The following MANBA variants were observed in gnomAD, a reference collection of about 807,000 sequenced individuals.
MANBA encodes beta-mannosidase.
In MANBA, 83 loss-of-function variants were observed where a neutral mutation model predicts 111.1. That is an observed-to-expected ratio of 0.75 (90% CI 0.63 to 0.90). MANBA has a LOEUF of 0.90. Ranked by LOEUF, MANBA falls within the 40% of genes least tolerant of loss-of-function variation. MANBA has a pLI of 0.00. For synonymous variants in MANBA, 370 were observed against 378.7 expected, an observed-to-expected ratio of 0.98 and a Z score of 0.27; for missense variants, 1,036 against 1,069.0, an observed-to-expected ratio of 0.97 and a Z score of 0.43.
chr4:102,674,068 AAC>A lies in MANBA; in HGVS notation c.961_962del (p.Val321LeufsTer3). The part of the protein sequence containing the change: ...GGLNIEKSAK[V>X]YFRTVELIEE... Reference sequence around the variant, plus strand: ...CTATAAGTTCCACTGTCCTAAAATAAACCTGCAATGAACAGAATTAAATGATG... The same window carrying A: ...CTATAAGTTCCACTGTCCTAAAATAACTGCAATGAACAGAATTAAATGATG... On this transcript the variant is annotated frameshift_variant and splice_region_variant, in exon 8 of 17. Coordinates refer to ENST00000647097, the MANE Select transcript of MANBA (RefSeq NM_005908.4). LOFTEE classifies it high-confidence loss of function. 1 of 1,596,294 alleles carries A rather than the reference AAC, an allele frequency of 6.3e-7. No homozygotes were observed. The highest frequency in any genetic ancestry group is 8.6e-7 in the Non-Finnish European group (1 of 1,164,054).
chr4:102,642,998 T>C (rs560556485), intron 13 of MANBA, among the ~76,000 whole-genome samples: 3 of 152,344 alleles, frequency 2.0e-5, no homozygotes, highest in Non-Finnish European at 2.9e-5. Flanking sequence ...TTTTAGAGGT[T>C]ATAATTCATT....
intron 8 of MANBA, among the ~76,000 whole-genome samples, chr4:102,672,307 A>G (rs182091767): frequency 6.6e-6 from 1 of 152,332 alleles, no homozygotes; most frequent in African/African-American, 2.4e-5. Context: ...TTTAATTTAG[A>G]TAATAAATAA....
intron 12 of MANBA, among the ~76,000 whole-genome samples, 190 bp downstream of exon 12, chr4:102,657,491 AG>A (rs1292703763): frequency 6.6e-6 from 1 of 152,230 alleles, no homozygotes; most frequent in Non-Finnish European, 1.5e-5. Flanking sequence ...GTGCTCCTGA[AG>A]GAACACAGTA....
chr4:102,709,367 AAAG>A (rs1721935489), intron 5 of MANBA, among the ~76,000 whole-genome samples: 1 of 146,032 alleles, frequency 6.8e-6, no homozygotes, highest in Non-Finnish European at 1.5e-5. Flanking sequence ...AAGAAAAGAA[AAAG>A]AAAGGAAGGA....
At chr4:102,696,891 G>A (rs562381930) in intron 5 of MANBA, among the ~76,000 whole-genome samples, 5 of 152,104 alleles carry the variant, frequency 3.3e-5, no homozygotes, top group Admixed American at 1.3e-4. Flanking sequence ...GATATTTTCC[G>A]GTACTCCTGC....
At position 102,669,170 on chromosome 4, in the gene MANBA, G is replaced by A. The variant is rs1217686020; in HGVS notation, c.1231-121C>T. 7 of 785,216 alleles carry A rather than the reference G, an allele frequency of 8.9e-6. No individual in the cohort carries two copies. In the African/African-American group the frequency reaches 1.0e-4, roughly 12 times the overall value. The allele number at this position is 785,216 out of a possible 1,614,324, so 48.6% of individuals were successfully genotyped here. ...AAATGAAAAATCCAGTTAGCCTGAT[G>A]AGTGTGATCACTGGGGCGCCATTAT... On this transcript the variant is annotated intron_variant, in intron 9 of 16. Coordinates refer to ENST00000647097, the MANE Select transcript of MANBA (RefSeq NM_005908.4).
At chr4:102,640,299 C>T (rs1396426563) in intron 13 of MANBA, among the ~76,000 whole-genome samples, 1 of 152,066 alleles carries the variant, frequency 6.6e-6, no homozygotes, top group African/African-American at 2.4e-5. Context: ...AGAAAAATAA[C>T]ATTGTTATTA....
chr4:102,661,554 T>C (rs1730955389), intron 11 of MANBA, among the ~76,000 whole-genome samples: 2 of 152,202 alleles, frequency 1.3e-5, no homozygotes, highest in East Asian at 3.8e-4. Flanking sequence ...TTGAAGAACA[T>C]TGAAGAAGAA....
At chr4:102,741,515 T>C (rs1489521149) in intron 1 of MANBA, among the ~76,000 whole-genome samples, 1 of 152,208 alleles carries the variant, frequency 6.6e-6, no homozygotes, top group Admixed American at 6.5e-5. Context: ...CAATTCGCAA[T>C]TGCAAAAATA....
intron 14 of MANBA, among the ~76,000 whole-genome samples, chr4:102,636,600 C>A (rs544034728): frequency 6.6e-6 from 1 of 152,132 alleles, no homozygotes; most frequent in African/African-American, 2.4e-5. Flanking sequence ...CCCTACTGCA[C>A]GCACTAGAAG....
chr4:102,745,706 A>G (rs1428409151), intron 1 of MANBA, among the ~76,000 whole-genome samples: 1 of 152,210 alleles, frequency 6.6e-6, no homozygotes, highest in African/African-American at 2.4e-5. Flanking sequence ...GAGCTGCAAC[A>G]TCAAAAGCAG....
At chr4:102,634,620 C>T (rs1729532573) in intron 16 of MANBA, among the ~76,000 whole-genome samples, 168 bp downstream of exon 16, 1 of 152,230 alleles carries the variant, frequency 6.6e-6, no homozygotes, top group East Asian at 1.9e-4. Context: ...AAATAGAAAT[C>T]ATTTGGTGTT....
chr4:102,690,493 G>C (rs948920511), intron 6 of MANBA, 103 bp downstream of exon 6: 14 of 1,104,418 alleles, frequency 1.3e-5, no homozygotes, highest in Non-Finnish European at 1.9e-5. Context: ...TATAAGCAGA[G>C]AAAGTAGAAT....
At chr4:102,729,326 G>A in intron 1 of MANBA, 1 of 755,194 alleles carries the variant, frequency 1.3e-6, no homozygotes, top group Non-Finnish European at 2.5e-6. Context: ...TCCTTGATCT[G>A]GTACATGCTC....
chr4:102,676,123 TA>T (rs1731715634), intron 7 of MANBA, among the ~76,000 whole-genome samples: 2 of 152,272 alleles, frequency 1.3e-5, no homozygotes, highest in South Asian at 4.1e-4. Flanking sequence ...AAATTATGAA[TA>T]AGAAGTGAAA....
Position 102,734,604 on chromosome 4 carries a change from A to C in MANBA, c.178-7921T>G, listed in dbSNP as rs1053318650. 2.5e-6 allele frequency: 4 copies of C among 1,603,606 alleles called. No individual in the cohort carries two copies. In the African/African-American group the frequency reaches 5.4e-5, roughly 21 times the overall value. On this transcript the variant is annotated intron_variant, in intron 1 of 16. Transcript: ENST00000647097. ...CAAGAGGCCCAAGAAAGAGACCAAG[A>C]AGAAGCGGTAGAAGAGGAGGCCCGA...
intron 1 of MANBA, chr4:102,753,880 C>G: frequency 7.1e-6 from 3 of 419,652 alleles, no homozygotes; most frequent in African/African-American, 2.1e-5. Flanking sequence ...CTCAGGAGAT[C>G]GAGACCAGCT....
At chr4:102,669,894 G>A (rs1731413426) in intron 9 of MANBA, among the ~76,000 whole-genome samples, 1 of 151,942 alleles carries the variant, frequency 6.6e-6, no homozygotes, top group Non-Finnish European at 1.5e-5. Context: ...GCAGGAGAAT[G>A]GCGTGAACCC....
At chr4:102,697,541 T>A (rs929780611) in intron 5 of MANBA, among the ~76,000 whole-genome samples, 6 of 122,986 alleles carry the variant, frequency 4.9e-5, no homozygotes, top group African/African-American at 1.9e-4. Context: ...CAGAGTGTGA[T>A]GTTCCCCTTC....
Sources: allele counts gnomAD v4.1 joint callset (sites outside exome capture counted in the v4.1 genomes callset), GRCh38; gene constraint gnomAD v4.1.1; transcripts MANE v1.5; gene names NCBI Gene and HGNC (gene_info 2026-07-23, HGNC 2026-07-21).